FAAP100: variants seen among roughly 807,000 people sequenced by gnomAD.
The protein encoded by FAAP100 is FA core complex associated protein 100, also known as Fanconi anemia core complex-associated protein 100.
FAAP100 carries 46 observed loss-of-function variants against 65.8 expected under a neutral mutation model. That is an observed-to-expected ratio of 0.70 (90% CI 0.55 to 0.89). FAAP100 has a LOEUF of 0.89. FAAP100 is among the 40% of genes least tolerant of loss of function. The pLI, the probability that FAAP100 is intolerant of heterozygous loss-of-function variation, is 0.00. For synonymous variants in FAAP100, 663 were observed against 555.1 expected (o/e 1.19, Z -2.73); for missense variants, 1,165 against 1,196.7 (o/e 0.97, Z 0.39).
In FAAP100 at chr17:81,550,133, G is replaced by A. The variant is rs760878701; in HGVS notation, c.1246+115C>T. On this transcript the variant is annotated intron_variant, in intron 3 of 8. Coordinates refer to ENST00000327787, the MANE Select transcript of FAAP100 (RefSeq NM_025161.6). The stretch of plus-strand genomic sequence containing the variant: ...TAACCACTAGGCTGTATCAGCACCC[G>A]TCAGCCTTGCAAAAGAACAAGCCCA... 1.3e-4 allele frequency: 137 copies of A among 1,047,620 alleles called. 1 individual carries two copies. The highest frequency in any genetic ancestry group is 2.5e-4 in the Middle Eastern group (1 of 3,974). The allele number at this position is 1,047,620 out of a possible 1,614,324, so 64.9% of individuals were successfully genotyped here.
In FAAP100 at chr17:81,545,779, A is replaced by G. The variant is rs201434869; in HGVS notation, c.2277T>C (p.Pro759=). The G allele has an allele frequency of 1.6e-4, 263 of 1,612,294 alleles. No homozygotes were observed. Among genetic ancestry groups the G allele is most frequent in the Non-Finnish European group, 1.1e-4 (135 of 1,179,796 alleles). ...RALSSIQGVA[P]DGANVHLIVR... is the part of the protein sequence containing the mutation. ...CGATGAGGTGAACGTTGGCGCCATC[A>G]GGGGCCACTCCCTGGATGGAAGATA... Residue 759 remains proline, a synonymous_variant, in exon 6 of 9, where the codon CCT becomes CCC. Coordinates refer to ENST00000327787, the MANE Select transcript of FAAP100 (RefSeq NM_025161.6).
At chr17:81,544,169 C>G in intron 6 of FAAP100, 49 bp from the exon 7 acceptor site, 1 of 1,480,184 alleles carries the variant, frequency 6.8e-7, no homozygotes, top group Non-Finnish European at 9.4e-7. Context: ...CTCCCACCTG[C>G]CCGGGGGGCT....
At position 81,544,579 on chromosome 17, in the gene FAAP100, GCT is replaced by G. The variant is rs539829456; in HGVS notation, c.2311-461_2311-460del. 6.6e-3 allele frequency among the ~76,000 whole-genome samples: 1,009 copies of G among 152,348 alleles called. 8 individuals carry two copies. Among genetic ancestry groups the G allele is most frequent in the Non-Finnish European group, 0.011 (743 of 68,030 alleles). ...GGCATCGCTGTGGGCACTGGGAGCT[GCT>G]GGGCCTATCTATGGGACACCCACCT... On this transcript the variant is annotated intron_variant, in intron 6 of 8. Transcript: ENST00000327787.
intron 2 of FAAP100, among the ~76,000 whole-genome samples, chr17:81,551,525 A>G (rs1326648919): frequency 6.6e-6 from 1 of 152,232 alleles, no homozygotes; most frequent in Non-Finnish European, 1.5e-5. Context: ...CACTGAAGAC[A>G]GGCCTGGCTG....
At position 81,549,293 on chromosome 17, in the gene FAAP100, TCA is replaced by T; in HGVS notation, c.1314_1315del (p.Glu439AspfsTer28). 6.2e-7 allele frequency: 1 copy of T among 1,613,226 alleles called. No individual in the cohort carries two copies. Among genetic ancestry groups the T allele is most frequent in the Non-Finnish European group, 8.5e-7 (1 of 1,179,986 alleles). On this transcript the variant is annotated frameshift_variant, in exon 4 of 9. Coordinates refer to ENST00000327787, the MANE Select transcript of FAAP100 (RefSeq NM_025161.6). LOFTEE classifies it high-confidence loss of function. ...GGTCATCCTGGCTGGGCCAGGCATC[TCA>T]GAGTCCAGGTCCAGGCTGCAGGTCA... is the stretch of plus-strand genomic sequence containing the variant.
At position 81,551,122 on chromosome 17, in the gene FAAP100, G is replaced by A. The variant is rs1185852882; in HGVS notation, c.372C>T (p.Ile124=). The A allele has an allele frequency of 6.4e-7, 1 of 1,552,614 alleles. No homozygotes were observed. Among genetic ancestry groups the A allele is most frequent in the Non-Finnish European group, 8.7e-7 (1 of 1,147,986 alleles). ...ACGCGCACAGCGCAGCATCGGGAAG[G>A]ATGCAGGCATCGGGGTCCACAGGGA... The part of the protein sequence containing the change: ...PVIPVDPDAC[I]LPDAALCAFT... Residue 124 remains isoleucine, a synonymous_variant, in exon 3 of 9, where the codon ATC becomes ATT. Coordinates refer to ENST00000327787, the MANE Select transcript of FAAP100 (RefSeq NM_025161.6).
rs2033059706 is a variant in FAAP100, at chr17:81,540,743, C to T, written c.*76G>A. ...CTCTGGCCAGGCCAGCTCGGTTTCC[C>T]TCTAACCCATGAGGCCTGGGGGGGC... On this transcript the variant is annotated 3_prime_UTR_variant, in exon 9 of 9. Coordinates refer to ENST00000327787, the MANE Select transcript of FAAP100 (RefSeq NM_025161.6). 1.4e-6 allele frequency: 2 copies of T among 1,430,556 alleles called. No homozygotes were observed. Among genetic ancestry groups the T allele is most frequent in the South Asian group, 1.5e-5 (1 of 68,648 alleles). 88.6% of individuals were successfully genotyped at this position (1,430,556 alleles called of 1,614,324 possible). A position where few individuals can be genotyped will look rare whatever the true frequency, so the allele number is the denominator to read the frequency against.
Position 81,549,327 on chromosome 17 carries a change from G to A in FAAP100, c.1282C>T (p.Arg428Cys), listed in dbSNP as rs569741670. The A allele has an allele frequency of 5.7e-5, 92 of 1,611,826 alleles. No homozygotes were observed. The highest frequency in any genetic ancestry group is 4.9e-4 in the Middle Eastern group (3 of 6,076). ...AGGTCCAGGCTGCAGGTCATCAGGCGGCCTTTGGCGGACAGGGCCAGGAGC... is the reference window on the plus strand; with the variant it reads ...AGGTCCAGGCTGCAGGTCATCAGGCAGCCTTTGGCGGACAGGGCCAGGAGC... ...TKLLALSAKG[R>C]LMTCSLDLDS... Residue 428 changes from arginine to cysteine, a missense_variant, in exon 4 of 9, where the codon CGC becomes TGC. Physicochemically the swap from Arg to Cys is radical, Grantham distance 180 (BLOSUM62 -3). Transcript: ENST00000327787.
intron 2 of FAAP100, 122 bp from the exon 3 acceptor site, chr17:81,551,325 C>G: frequency 1.0e-6 from 1 of 970,806 alleles, no homozygotes; most frequent in Non-Finnish European, 1.5e-6. Context: ...CAAGGCCGCT[C>G]AGCAGTCCAT....
At position 81,541,293 on chromosome 17, in the gene FAAP100, G is replaced by T; in HGVS notation, c.2514+16C>A. On this transcript the variant is annotated intron_variant, in intron 8 of 8. Coordinates refer to ENST00000327787, the MANE Select transcript of FAAP100 (RefSeq NM_025161.6). ...TACCCAGGGGAAGGGGACTGCCCGG[G>T]GAACCGGGTGCTCACCTCGTGGTTG... 6.2e-7 allele frequency: 1 copy of T among 1,605,822 alleles called. No homozygotes were observed.
chr17:81,541,201 C>T, intron 8 of FAAP100, 108 bp downstream of exon 8: 3 of 1,296,280 alleles, frequency 2.3e-6, no homozygotes, highest in Non-Finnish European at 1.1e-6. Flanking sequence ...GAGCGAAGCC[C>T]ATGCGCTGTG....
At chr17:81,553,093 G>C (rs988566804), upstream of FAAP100, 1 of 160,994 alleles carries the variant, frequency 6.2e-6, no homozygotes, top group African/African-American at 2.4e-5. Flanking sequence ...CCCGTGGAGG[G>C]GCCTGCAGTA....
In FAAP100 at chr17:81,552,218, G is replaced by T; in HGVS notation, c.113C>A (p.Ser38Tyr). Residue 38 changes from serine to tyrosine, a missense_variant, in exon 1 of 9, where the codon TCC (serine) becomes TAC (tyrosine). Coordinates refer to ENST00000327787, the MANE Select transcript of FAAP100 (RefSeq NM_025161.6). Reference protein sequence around the residue: ...VLCHEAEVFLSTGSELVYVYD... With the variant: ...VLCHEAEVFLYTGSELVYVYD... ...CACGTAGACGAGCTCGCTCCCGGTG[G>T]ACAGGAAGACCTCTGCCTCATGGCA... 2 of 1,500,458 alleles carry T rather than the reference G, an allele frequency of 1.3e-6. No individual in the cohort carries two copies. The highest frequency in any genetic ancestry group is 2.2e-5 in the Admixed American group (1 of 46,270). 92.9% of individuals were successfully genotyped at this position (1,500,458 alleles called of 1,614,324 possible).
intron 5 of FAAP100, among the ~76,000 whole-genome samples, chr17:81,546,234 G>A (rs918379110): frequency 1.2e-4 from 18 of 152,216 alleles, no homozygotes; most frequent in African/African-American, 3.9e-4. Flanking sequence ...GGATGGCTGC[G>A]GCTGCCCTCT....
chr17:81,552,010 G>T lies in FAAP100; in HGVS notation c.208C>A (p.Leu70Met). 6.4e-7 allele frequency: 1 copy of T among 1,564,582 alleles called. No individual in the cohort carries two copies. Among genetic ancestry groups the T allele is most frequent in the Non-Finnish European group, 8.6e-7 (1 of 1,165,040 alleles). ...FPDQVWHLEL[L>M]APRRLLYALC... ...GCGTACAGCAACCTGCGCGGCGCCA[G>T]CAGCTCCAGGTGCCACACCTGGTCG... Residue 70 changes from leucine (L) to methionine (M), a missense_variant, in exon 2 of 9, where the codon CTG becomes ATG. Leu to Met is a conservative substitution (Grantham distance 15). Coordinates refer to ENST00000327787, the MANE Select transcript of FAAP100 (RefSeq NM_025161.6).
chr17:81,544,177 G>T (rs949594456), intron 6 of FAAP100, 57 bp from the exon 7 acceptor site: 2 of 1,436,434 alleles, frequency 1.4e-6, no homozygotes, highest in African/African-American at 1.4e-5. Flanking sequence ...TGCCCGGGGG[G>T]CTCAGGCTAC....
chr17:81,547,705 G>A, intron 4 of FAAP100, 27 bp from the exon 5 acceptor site: 1 of 1,602,954 alleles, frequency 6.2e-7, no homozygotes, highest in African/African-American at 1.3e-5. Flanking sequence ...TGACCCCCGG[G>A]AGCGGGGGGA....
intron 5 of FAAP100, chr17:81,546,295 C>T (rs184642789): frequency 1.2e-4 from 23 of 184,796 alleles, no homozygotes; most frequent in African/African-American, 2.1e-4. Flanking sequence ...TGCAGCAGAA[C>T]GGTGACATCT....
chr17:81,545,920 C>G, intron 5 of FAAP100, 38 bp from the exon 6 acceptor site: 1 of 1,542,982 alleles, frequency 6.5e-7, no homozygotes, highest in South Asian at 1.1e-5. Context: ...CAGCCTGATC[C>G]TACCAGGTGG....
Sources: allele counts gnomAD v4.1 joint callset (sites outside exome capture counted in the v4.1 genomes callset), GRCh38; gene constraint gnomAD v4.1.1; transcripts MANE v1.5; gene names NCBI Gene and HGNC (gene_info 2026-07-23, HGNC 2026-07-21).